MYRIP: variants seen among roughly 807,000 people sequenced by gnomAD.
MYRIP encodes rab effector MyRIP.
MYRIP carries 49 observed loss-of-function variants against 98.0 expected under a neutral mutation model. The observed-to-expected ratio is 0.50, with a 90% CI of 0.40 to 0.63. The LOEUF (loss-of-function observed/expected upper bound fraction) is 0.63, where lower values mean the gene tolerates loss of function less well. Ranked by LOEUF, MYRIP falls within the 30% of genes least tolerant of loss-of-function variation. The pLI is 0.00. For synonymous variants in MYRIP, 404 were observed against 409.5 expected (o/e 0.99, Z 0.16); for missense variants, 1,004 against 1,058.2 (o/e 0.95, Z 0.71).
intron 10 of MYRIP, among the ~76,000 whole-genome samples, chr3:40,191,287 C>T (rs186413053): frequency 6.6e-6 from 1 of 152,300 alleles, no homozygotes; most frequent in Non-Finnish European, 1.5e-5. Context: ...GGGCTCCCAA[C>T]CAGACTAACT....
chr3:39,894,521 G>A (rs888131056), intron 1 of MYRIP, among the ~76,000 whole-genome samples: 1 of 152,170 alleles, frequency 6.6e-6, no homozygotes, highest in Non-Finnish European at 1.5e-5. Flanking sequence ...ATGGACACTT[G>A]CATAGACGGT....
At chr3:39,921,916 G>T (rs1399548132) in intron 2 of MYRIP, among the ~76,000 whole-genome samples, 2 of 149,388 alleles carry the variant, frequency 1.3e-5, no homozygotes, top group Non-Finnish European at 3.0e-5. Context: ...GTTGACGGCT[G>T]TCTGACTTCC....
At chr3:40,040,956 A>T (rs1257379667) in intron 2 of MYRIP, among the ~76,000 whole-genome samples, 1 of 87,042 alleles carries the variant, frequency 1.1e-5, no homozygotes, top group Admixed American at 1.5e-4. Flanking sequence ...CAATGTGCAC[A>T]TGTACCCTAA....
At chr3:40,164,508 T>C (rs1036216722) in intron 5 of MYRIP, among the ~76,000 whole-genome samples, 5 of 152,170 alleles carry the variant, frequency 3.3e-5, no homozygotes, top group African/African-American at 1.2e-4. Context: ...ACACCCACAT[T>C]GTGGAGGGCA....
chr3:40,126,451 A>C (rs1215788133), intron 3 of MYRIP, among the ~76,000 whole-genome samples: 1 of 152,268 alleles, frequency 6.6e-6, no homozygotes, highest in East Asian at 1.9e-4. Context: ...TCAAAAAGGA[A>C]TGAATGAGGG....
intron 3 of MYRIP, among the ~76,000 whole-genome samples, chr3:40,055,473 T>C (rs1947866054): frequency 6.6e-6 from 1 of 152,138 alleles, no homozygotes; most frequent in Non-Finnish European, 1.5e-5. Flanking sequence ...TAGAAAATGC[T>C]CTTTAAAATT....
intron 10 of MYRIP, 117 bp from the exon 11 acceptor site, chr3:40,209,737 C>T: frequency 7.4e-7 from 1 of 1,359,420 alleles, no homozygotes; most frequent in Admixed American, 2.3e-5. Context: ...GGTAAGAAAG[C>T]TGTTACTTTC....
intron 3 of MYRIP, among the ~76,000 whole-genome samples, chr3:40,078,583 G>T (rs1479360053): frequency 6.6e-6 from 1 of 152,192 alleles, no homozygotes; most frequent in Non-Finnish European, 1.5e-5. Flanking sequence ...AGAAATTTGA[G>T]TGTACCTATC....
intron 11 of MYRIP, among the ~76,000 whole-genome samples, chr3:40,223,785 A>G (rs1180418117): frequency 6.6e-6 from 1 of 152,194 alleles, no homozygotes; most frequent in Non-Finnish European, 1.5e-5. Flanking sequence ...AAGAGAAAAA[A>G]GCTCCCTGAG....
At position 39,819,349 on chromosome 3, in the gene MYRIP, A is replaced by T. The variant is rs545060163; in HGVS notation, c.-31+9433A>T. On this transcript the variant is annotated intron_variant, in intron 1 of 16. Coordinates refer to ENST00000302541, the MANE Select transcript of MYRIP (RefSeq NM_015460.4). ...GGCAACAAGAGCAAAACTCCATCTTAAAAAAAAAAAATTACCTAGCTGGGG... is the reference window on the plus strand; with the variant it reads ...GGCAACAAGAGCAAAACTCCATCTTTAAAAAAAAAAATTACCTAGCTGGGG... Among the ~76,000 whole-genome samples, 155 of 146,396 alleles carry T rather than the reference A, an allele frequency of 1.1e-3. No individual in the cohort carries two copies. In the Middle Eastern group the frequency reaches 0.021, roughly 20 times the overall value.
intron 3 of MYRIP, among the ~76,000 whole-genome samples, chr3:40,077,761 G>C (rs2125865928): frequency 6.6e-6 from 1 of 152,394 alleles, no homozygotes; most frequent in Non-Finnish European, 1.5e-5. Context: ...TAGACAAAGG[G>C]TGTTGATTGG....
intron 2 of MYRIP, among the ~76,000 whole-genome samples, chr3:39,972,381 T>G (rs1945608934): frequency 6.6e-6 from 1 of 152,058 alleles, no homozygotes; most frequent in Admixed American, 6.6e-5. Context: ...ACTTTGTTTT[T>G]GGGTGAAAAT....
intron 1 of MYRIP, among the ~76,000 whole-genome samples, chr3:39,815,057 G>A (rs376733711): frequency 8.6e-4 from 131 of 152,248 alleles, no homozygotes; most frequent in African/African-American, 3.1e-3. Flanking sequence ...TTACAATTTA[G>A]TGTTTTTAGT....
chr3:40,012,369 A>G (rs1427900448), intron 2 of MYRIP, among the ~76,000 whole-genome samples: 1 of 152,242 alleles, frequency 6.6e-6, no homozygotes, highest in African/African-American at 2.4e-5. Flanking sequence ...ATAGTTAAGT[A>G]TATTAAAATG....
chr3:39,910,776 A>G (rs185299448), intron 2 of MYRIP, among the ~76,000 whole-genome samples: 5 of 152,272 alleles, frequency 3.3e-5, no homozygotes, highest in African/African-American at 4.8e-5. Flanking sequence ...TTATATTTTT[A>G]TTGGACAGTG....
In MYRIP at chr3:40,218,627, T is replaced by C. The variant is rs1256321552; in HGVS notation, c.1905+8534T>C. Among the ~76,000 whole-genome samples, 153 of 16,912 alleles carry C rather than the reference T, an allele frequency of 9.0e-3. 6 individuals carry two copies. Among genetic ancestry groups the C allele is most frequent in the Middle Eastern group, 0.05 (1 of 20 alleles). 11.1% of individuals were successfully genotyped at this position (16,912 alleles called of 152,430 possible). A position where few individuals can be genotyped will look rare whatever the true frequency, so the allele number is the denominator to read the frequency against. On this transcript the variant is annotated intron_variant, in intron 11 of 16. Transcript: ENST00000302541. ...TATATATATTTTATATATATATATA[T>C]ATATATATATATATATATATATATA...
At chr3:40,159,178 A>G (rs983603478) in intron 4 of MYRIP, among the ~76,000 whole-genome samples, 15 of 151,782 alleles carry the variant, frequency 9.9e-5, no homozygotes, top group Non-Finnish European at 1.2e-4. Flanking sequence ...GAGCTCTTTT[A>G]GGGCAGGCCT....
chr3:39,936,786 G>A (rs553216696), intron 2 of MYRIP, among the ~76,000 whole-genome samples: 9 of 152,088 alleles, frequency 5.9e-5, no homozygotes. Flanking sequence ...GAGGACTTGT[G>A]ACTTATATTT....
At chr3:39,945,782 T>C (rs997587734) in intron 2 of MYRIP, among the ~76,000 whole-genome samples, 1 of 152,154 alleles carries the variant, frequency 6.6e-6, no homozygotes, top group African/African-American at 2.4e-5. Context: ...TTAAAAATGT[T>C]AAATACTTGT....
Sources: gnomAD v4.1 joint callset for allele counts (sites outside exome capture counted in the v4.1 genomes callset) on GRCh38, gnomAD v4.1.1 for gene constraint, MANE v1.5 for transcripts, NCBI Gene and HGNC (gene_info 2026-07-23, HGNC 2026-07-21) for gene names.